The following SCGB2B2 variants were observed in gnomAD, a reference collection of about 807,000 sequenced individuals.
SCGB2B2 encodes the protein secretoglobin-like protein.
A neutral mutation model predicts 7.6 loss-of-function variants in SCGB2B2; 11 were observed. That is an observed-to-expected ratio of 1.45 (90% CI 0.91 to 2.40). The LOEUF is 2.40. Ranked by LOEUF, SCGB2B2 falls within the 30% of genes most tolerant of loss-of-function variation. The pLI is 0.00. For synonymous variants in SCGB2B2, 50 were observed against 48.6 expected (o/e 1.03, Z -0.12); for missense variants, 104 against 115.4 (o/e 0.90, Z 0.45).
At chr19:34,638,549 TTGATTA>T (rs2066755620) in intron 1 of SCGB2B2, among the ~76,000 whole-genome samples, 1 of 152,022 alleles carries the variant, frequency 6.6e-6, no homozygotes, top group Non-Finnish European at 1.5e-5. Flanking sequence ...GCTCATTGAA[TTGATTA>T]TATTTCCACG....
intron 1 of SCGB2B2, chr19:34,608,659 G>GTATATATATATATATATA (rs1600044009): frequency 1.7e-4 from 4 of 24,064 alleles, no homozygotes; most frequent in Admixed American, 1.2e-3. Flanking sequence ...GTGTCTCATT[G>GTATATATATATATATATA]CATATATATA....
At chr19:34,656,665 G>A (rs2067291402) in intron 1 of SCGB2B2, among the ~76,000 whole-genome samples, 1 of 151,094 alleles carries the variant, frequency 6.6e-6, no homozygotes, top group Non-Finnish European at 1.5e-5. Flanking sequence ...ATCTAATGAA[G>A]ACCACCTACG....
intron 1 of SCGB2B2, among the ~76,000 whole-genome samples, chr19:34,665,008 G>A (rs34242118): frequency 0.12 from 18,933 of 152,150 alleles, 1,331 homozygotes; most frequent in Middle Eastern, 0.21. Context: ...CCCCCACACC[G>A]GCCCCATCAT....
At chr19:34,604,840 AT>A (rs1408608769) in intron 1 of SCGB2B2, among the ~76,000 whole-genome samples, 2 of 152,086 alleles carry the variant, frequency 1.3e-5, no homozygotes, top group African/African-American at 4.8e-5. Context: ...TATCTTGTAT[AT>A]TTTTATTTTT....
intron 1 of SCGB2B2, among the ~76,000 whole-genome samples, chr19:34,669,343 T>G (rs1260848747): frequency 6.6e-6 from 1 of 152,242 alleles, no homozygotes; most frequent in Non-Finnish European, 1.5e-5. Flanking sequence ...AATTACAATT[T>G]ACTAATTTTC....
chr19:34,642,920 G>A, intron 1 of SCGB2B2, among the ~76,000 whole-genome samples: 1 of 152,124 alleles, frequency 6.6e-6, no homozygotes. Flanking sequence ...AGACGCTAGT[G>A]AGGATATGGA....
chr19:34,632,953 C>T (rs1382462899), intron 1 of SCGB2B2: 2 of 152,408 alleles, frequency 1.3e-5, no homozygotes, highest in Non-Finnish European at 2.9e-5. Flanking sequence ...ACTAAAGCAC[C>T]CCAGGACCAA....
intron 1 of SCGB2B2, among the ~76,000 whole-genome samples, chr19:34,606,722 A>G (rs1317563555): frequency 4.6e-5 from 7 of 151,976 alleles, no homozygotes. Context: ...ATTACAGTAT[A>G]TTGGTATAAT....
At chr19:34,650,543 G>A (rs908599019) in intron 1 of SCGB2B2, among the ~76,000 whole-genome samples, 4 of 151,202 alleles carry the variant, frequency 2.6e-5, no homozygotes, top group Admixed American at 2.0e-4. Flanking sequence ...ATAACCTACC[G>A]GGATTGAGCC....
intron 1 of SCGB2B2, among the ~76,000 whole-genome samples, chr19:34,667,704 G>T (rs1251626064): frequency 6.6e-6 from 1 of 151,992 alleles, no homozygotes; most frequent in African/African-American, 2.4e-5. Context: ...TTGTTTGTGC[G>T]TTTTCCCCAA....
chr19:34,598,198 C>T lies in SCGB2B2; in HGVS notation c.-2031-1604G>A, dbSNP rs866696736. Among the ~76,000 whole-genome samples the T allele has an allele frequency of 3.3e-5, 5 of 152,288 alleles. No individual in the cohort carries two copies. In the South Asian group the frequency reaches 1.0e-3, roughly 32 times the overall value. ...CTCCCGGACAGGGAGTTTGCAGGAA[C>T]AGTGACGCAGCACATGCCACGGCAC... is the stretch of plus-strand genomic sequence containing the variant. On this transcript the variant is annotated intron_variant, in intron 1 of 3. Coordinates refer to ENST00000601241, the MANE Select transcript of SCGB2B2 (RefSeq NM_001025591.4).
intron 1 of SCGB2B2, among the ~76,000 whole-genome samples, chr19:34,619,158 C>T (rs1192773937): frequency 6.6e-6 from 1 of 152,096 alleles, no homozygotes; most frequent in Admixed American, 6.5e-5. Context: ...ATATTTAGGA[C>T]AATTAATTAC....
chr19:34,650,824 C>T lies in SCGB2B2; in HGVS notation c.-2032+24806G>A, dbSNP rs138513967. 5.3e-5 allele frequency among the ~76,000 whole-genome samples: 8 copies of T among 151,498 alleles called. No homozygotes were observed. In the East Asian group the frequency reaches 1.5e-3, roughly 29 times the overall value. ...ACAACAGAAAACTATAGGCCAATATCCATGATAAACACAGATGCAAACATT... is the reference window on the plus strand; with the variant it reads ...ACAACAGAAAACTATAGGCCAATATTCATGATAAACACAGATGCAAACATT... On this transcript the variant is annotated intron_variant, in intron 1 of 3. Coordinates refer to ENST00000601241, the MANE Select transcript of SCGB2B2 (RefSeq NM_001025591.4).
intron 1 of SCGB2B2, among the ~76,000 whole-genome samples, chr19:34,666,553 G>A (rs1010305873): frequency 3.3e-5 from 5 of 151,914 alleles, no homozygotes; most frequent in African/African-American, 9.7e-5. Context: ...CACCTGCTGC[G>A]CCCACTGGGC....
At chr19:34,642,714 C>CAAAAAAAAAAAAA (rs55922005) in intron 1 of SCGB2B2, among the ~76,000 whole-genome samples, 3 of 39,872 alleles carry the variant, frequency 7.5e-5, no homozygotes, top group Non-Finnish European at 1.3e-4. Context: ...GACTCCGTCT[C>CAAAAAAAAAAAAA]AAAAAAAAAA....
At chr19:34,622,409 C>T (rs866289026) in intron 1 of SCGB2B2, among the ~76,000 whole-genome samples, 8 of 152,228 alleles carry the variant, frequency 5.3e-5, no homozygotes, top group Middle Eastern at 3.4e-3. Flanking sequence ...GTATAAAGGG[C>T]GAGTTATCTC....
At chr19:34,610,709 T>C (rs2065902927) in intron 1 of SCGB2B2, among the ~76,000 whole-genome samples, 1 of 152,058 alleles carries the variant, frequency 6.6e-6, no homozygotes, top group African/African-American at 2.4e-5. Flanking sequence ...TTGAGGTTGG[T>C]TTGCTAGTAT....
intron 1 of SCGB2B2, among the ~76,000 whole-genome samples, chr19:34,673,037 A>T (rs112830223): frequency 0.016 from 2,493 of 152,332 alleles, 42 homozygotes; most frequent in South Asian, 0.084. Flanking sequence ...TCTGCATCAG[A>T]GTAAACTGGC....
chr19:34,598,801 G>A (rs979202310), intron 1 of SCGB2B2, among the ~76,000 whole-genome samples: 3 of 152,248 alleles, frequency 2.0e-5, no homozygotes, highest in African/African-American at 7.2e-5. Context: ...CTAATCCCCT[G>A]CTTCTGATCC....
Sources: gnomAD v4.1 joint callset for allele counts (sites outside exome capture counted in the v4.1 genomes callset) on GRCh38, gnomAD v4.1.1 for gene constraint, MANE v1.5 for transcripts, NCBI Gene and HGNC (gene_info 2026-07-23, HGNC 2026-07-21) for gene names.